PFDN1: variants seen among roughly 807,000 people sequenced by gnomAD.
PFDN1 encodes prefoldin 1.
A neutral mutation model predicts 17.3 loss-of-function variants in PFDN1; 6 were observed. The ratio of observed to expected loss-of-function variants is 0.35; its 90% CI spans 0.19 to 0.69. The LOEUF (loss-of-function observed/expected upper bound fraction) is 0.69, where lower values mean the gene tolerates loss of function less well. Ranked by LOEUF, PFDN1 falls within the 30% of genes least tolerant of loss-of-function variation. The probability of loss-of-function intolerance (pLI) is 0.65; values close to 1 mark genes in which losing one functional copy is unlikely to be tolerated. For synonymous variants in PFDN1, 58 were observed against 50.1 expected, an observed-to-expected ratio of 1.16 and a Z score of -0.67; for missense variants, 113 against 146.2, an observed-to-expected ratio of 0.77 and a Z score of 1.17.
intron 2 of PFDN1, chr5:140,282,104 T>C (rs1322684284): frequency 6.6e-6 from 1 of 151,310 alleles, no homozygotes; most frequent in Non-Finnish European, 1.5e-5. Flanking sequence ...GGAGGATCAA[T>C]TGAGACTGAG....
At chr5:140,276,052 T>C (rs1234064885) in intron 3 of PFDN1, among the ~76,000 whole-genome samples, 1 of 137,314 alleles carries the variant, frequency 7.3e-6, no homozygotes, top group Non-Finnish European at 1.6e-5. Context: ...ATGATGATGA[T>C]GATGATGATA....
rs1408905407 is a variant in PFDN1, at chr5:140,245,978, T to G, written c.365A>C (p.Gln122Pro). The change falls in exon 4 of 4, where the codon CAG (glutamine) becomes CCG (proline). Residue 122 changes from glutamine to proline, a missense_variant. Transcript: ENST00000261813. ...IREMLMARRA[Q>P] is the part of the protein sequence containing the mutation. ...AGAGCTTCCCAGAGAGGCTCCCTAC[T>G]GGGCCCTTCGTGCCATCAGCATCTC... is the stretch of plus-strand genomic sequence containing the variant. 1 of 1,547,912 alleles carries G rather than the reference T, an allele frequency of 6.5e-7. No homozygotes were observed.
chr5:140,245,375 T>C lies in PFDN1; in HGVS notation c.*599A>G. Reference sequence around the variant, plus strand: ...CAGGGAAAGGAATCTTTAGGCAGACTGCCATCCAGGGACTGCTATTCTGTT... The same window carrying C: ...CAGGGAAAGGAATCTTTAGGCAGACCGCCATCCAGGGACTGCTATTCTGTT... On this transcript the variant is annotated 3_prime_UTR_variant, in exon 4 of 4. Coordinates refer to ENST00000261813, the MANE Select transcript of PFDN1 (RefSeq NM_002622.5). 1 of 683,902 alleles carries C rather than the reference T, an allele frequency of 1.5e-6. No homozygotes were observed. 42.4% of individuals were successfully genotyped at this position (683,902 alleles called of 1,614,324 possible). A position where few individuals can be genotyped will look rare whatever the true frequency, so the allele number is the denominator to read the frequency against.
At chr5:140,275,183 C>A (rs1765271204) in intron 3 of PFDN1, among the ~76,000 whole-genome samples, 1 of 151,936 alleles carries the variant, frequency 6.6e-6, no homozygotes, top group Non-Finnish European at 1.5e-5. Context: ...CCAAGGCAGG[C>A]AGATCACGAG....
At chr5:140,286,882 T>C (rs1484573611) in intron 2 of PFDN1, among the ~76,000 whole-genome samples, 1 of 151,978 alleles carries the variant, frequency 6.6e-6, no homozygotes, top group Admixed American at 6.6e-5. Context: ...TGGGATTATA[T>C]ATAGGAGTGA....
chr5:140,277,655 G>A (rs541038644), intron 3 of PFDN1, among the ~76,000 whole-genome samples: 6 of 152,070 alleles, frequency 3.9e-5, no homozygotes, highest in East Asian at 3.9e-4. Flanking sequence ...TTAAGCCTGG[G>A]AGGTGGAGGC....
In PFDN1 at chr5:140,268,445, C is replaced by T. The variant is rs1385267365; in HGVS notation, c.285+13004G>A. ...GGTGGACCGCTTGAGGCCAGGAGTT[C>T]AAGATCAGCCTGGCCAACGTGGTGA... On this transcript the variant is annotated intron_variant, in intron 3 of 3. Transcript: ENST00000261813. Among the ~76,000 whole-genome samples, 3 of 152,128 alleles carry T rather than the reference C, an allele frequency of 2.0e-5. No individual in the cohort carries two copies. In the East Asian group the frequency reaches 5.8e-4, roughly 29 times the overall value.
Position 140,245,668 on chromosome 5 carries a change from C to G in PFDN1, c.*306G>C. 1.5e-6 allele frequency: 1 copy of G among 655,762 alleles called. No homozygotes were observed. The highest frequency in any genetic ancestry group is 2.7e-6 in the Non-Finnish European group (1 of 364,888). The allele number at this position is 655,762 out of a possible 1,614,324, so 40.6% of individuals were successfully genotyped here. A position where few individuals can be genotyped will look rare whatever the true frequency, so the allele number is the denominator to read the frequency against. ...AGACGCTTTTTATTGGTCTGGCTGG[C>G]GTGCCTAGTGGAAAGCTCAGGCAGA... is the stretch of plus-strand genomic sequence containing the variant. On this transcript the variant is annotated 3_prime_UTR_variant, in exon 4 of 4. Transcript: ENST00000261813.
At chr5:140,278,280 C>T (rs971845560) in intron 3 of PFDN1, among the ~76,000 whole-genome samples, 8 of 151,604 alleles carry the variant, frequency 5.3e-5, no homozygotes, top group South Asian at 4.2e-4. Flanking sequence ...ATAAGACATA[C>T]GCCCCAGTCA....
chr5:140,300,628 G>A, intron 1 of PFDN1, 46 bp from the exon 2 acceptor site: 2 of 1,339,382 alleles, frequency 1.5e-6, no homozygotes, highest in Middle Eastern at 1.8e-4. Flanking sequence ...CATTTTACAG[G>A]AAACATTTAC....
chr5:140,255,533 G>T (rs1205374033), intron 3 of PFDN1, among the ~76,000 whole-genome samples: 1 of 152,182 alleles, frequency 6.6e-6, no homozygotes, highest in Non-Finnish European at 1.5e-5. Context: ...CAGCTACTCA[G>T]AAGGCTAAGG....
chr5:140,265,433 T>G (rs980632516), intron 3 of PFDN1, among the ~76,000 whole-genome samples: 10 of 152,180 alleles, frequency 6.6e-5, no homozygotes, highest in African/African-American at 2.4e-4. Flanking sequence ...GTTCTATGAC[T>G]TGAAACGCCA....
chr5:140,288,694 A>T (rs192661305), intron 2 of PFDN1, among the ~76,000 whole-genome samples: 2 of 152,326 alleles, frequency 1.3e-5, no homozygotes, highest in African/African-American at 2.4e-5. Flanking sequence ...ATAAAAAAAT[A>T]AAGTTGCTGG....
chr5:140,298,241 T>C (rs1018258107), intron 2 of PFDN1, among the ~76,000 whole-genome samples: 4 of 152,100 alleles, frequency 2.6e-5, no homozygotes, highest in African/African-American at 4.8e-5. Flanking sequence ...CATAAAGATA[T>C]GGATTAGTCA....
chr5:140,283,920 A>C (rs1168431453), intron 2 of PFDN1, among the ~76,000 whole-genome samples: 1 of 152,222 alleles, frequency 6.6e-6, no homozygotes, highest in African/African-American at 2.4e-5. Flanking sequence ...TTTGAGTAAA[A>C]TATACATTTT....
intron 3 of PFDN1, among the ~76,000 whole-genome samples, chr5:140,264,002 C>T (rs1479962885): frequency 1.9e-5 from 2 of 106,246 alleles, no homozygotes; most frequent in Non-Finnish European, 3.6e-5. Flanking sequence ...GCCTGGGGGT[C>T]AGAGTGAGAC....
In PFDN1 at chr5:140,245,682, A is replaced by C. The variant is rs1372633719; in HGVS notation, c.*292T>G. On this transcript the variant is annotated 3_prime_UTR_variant, in exon 4 of 4. Coordinates refer to ENST00000261813, the MANE Select transcript of PFDN1 (RefSeq NM_002622.5). ...GGTCTGGCTGGCGTGCCTAGTGGAAAGCTCAGGCAGAGCTTCCTATCTTGC... is the reference window on the plus strand; with the variant it reads ...GGTCTGGCTGGCGTGCCTAGTGGAACGCTCAGGCAGAGCTTCCTATCTTGC... 4 of 634,426 alleles carry C rather than the reference A, an allele frequency of 6.3e-6. No individual in the cohort carries two copies. Among genetic ancestry groups the C allele is most frequent in the African/African-American group, 5.5e-5 (3 of 54,720 alleles). The allele number at this position is 634,426 out of a possible 1,614,324, so 39.3% of individuals were successfully genotyped here.
At chr5:140,282,488 G>C (rs1412592732) in intron 2 of PFDN1, among the ~76,000 whole-genome samples, 1 of 149,542 alleles carries the variant, frequency 6.7e-6, no homozygotes, top group Non-Finnish European at 1.5e-5. Flanking sequence ...ATGCATTAGT[G>C]TTTATATGAG....
intron 1 of PFDN1, among the ~76,000 whole-genome samples, chr5:140,301,548 T>C (rs1158609183): frequency 6.6e-6 from 1 of 152,174 alleles, no homozygotes; most frequent in Non-Finnish European, 1.5e-5. Flanking sequence ...AAAGATTTAC[T>C]TTGGGGAAGG....
Sources: allele counts gnomAD v4.1 joint callset (sites outside exome capture counted in the v4.1 genomes callset), GRCh38; gene constraint gnomAD v4.1.1; transcripts MANE v1.5; gene names NCBI Gene and HGNC (gene_info 2026-07-23, HGNC 2026-07-21).